GMEB2: variants seen among roughly 807,000 people sequenced by gnomAD.
The protein encoded by GMEB2 is glucocorticoid modulatory element-binding protein 2.
A neutral mutation model predicts 45.7 loss-of-function variants in GMEB2; 7 were observed. The ratio of observed to expected loss-of-function variants is 0.15; its 90% CI spans 0.09 to 0.29. The LOEUF is 0.29. Among genes scored for constraint, GMEB2 ranks in the 10% least tolerant of loss-of-function variants. The pLI is 1.00. For synonymous variants in GMEB2, 322 were observed against 323.6 expected (o/e 1.00, Z 0.05); for missense variants, 582 against 739.2 (o/e 0.79, Z 2.47).
At chr20:63,599,680 A>G (rs370534563) in intron 4 of GMEB2, among the ~76,000 whole-genome samples, 3 of 152,198 alleles carry the variant, frequency 2.0e-5, no homozygotes, top group East Asian at 1.9e-4. Flanking sequence ...GAATTTCATT[A>G]TGATGTCACC....
intron 2 of GMEB2, among the ~76,000 whole-genome samples, chr20:63,613,220 A>C (rs1328490258): frequency 6.6e-6 from 1 of 152,238 alleles, no homozygotes; most frequent in Non-Finnish European, 1.5e-5. Flanking sequence ...TTCTTCAAAG[A>C]GTTAACTCAA....
chr20:63,604,701 T>C (rs748731021), intron 3 of GMEB2, 42 bp downstream of exon 3: 1 of 1,054,578 alleles, frequency 9.5e-7, no homozygotes. Context: ...CTGTCCCTGC[T>C]GCGGCAAGAA....
At chr20:63,603,181 C>T in intron 3 of GMEB2, 89 bp from the exon 4 acceptor site, 1 of 1,454,828 alleles carries the variant, frequency 6.9e-7, no homozygotes, top group Non-Finnish European at 9.5e-7. Flanking sequence ...CAGAAAATAG[C>T]TACCAACATG....
rs1340778331 is a variant in GMEB2, at chr20:63,593,849, C to T, written c.620-767G>A. On this transcript the variant is annotated intron_variant, in intron 6 of 9. Transcript: ENST00000370077. This position sits in a 1 kb window ranked among gnomAD's most constrained non-coding sequence, Gnocchi z 4.7. ...ACAGCCTGGGCAACACGGCAAAACC[C>T]CGTCTCTACTAAAATACAAAGTCAA... Among the ~76,000 whole-genome samples, 1 of 152,166 alleles carries T rather than the reference C, an allele frequency of 6.6e-6. No homozygotes were observed. Among genetic ancestry groups the T allele is most frequent in the African/African-American group, 2.4e-5 (1 of 41,472 alleles).
At chr20:63,605,561 C>T (rs1306549579) in intron 2 of GMEB2, among the ~76,000 whole-genome samples, 1 of 149,448 alleles carries the variant, frequency 6.7e-6, no homozygotes, top group Admixed American at 6.7e-5. Context: ...GCAGAGGCTG[C>T]GCAGGTCTGA....
At chr20:63,623,244 G>T (rs1343876318) in intron 1 of GMEB2, among the ~76,000 whole-genome samples, 1 of 152,124 alleles carries the variant, frequency 6.6e-6, no homozygotes, top group Non-Finnish European at 1.5e-5. Flanking sequence ...TTTAAATGGT[G>T]GCCATCTAGG....
chr20:63,611,253 G>A (rs988980094), intron 2 of GMEB2, among the ~76,000 whole-genome samples: 7 of 152,262 alleles, frequency 4.6e-5, no homozygotes, highest in African/African-American at 1.7e-4. Context: ...TCTTGTGTGT[G>A]GAAGGGGCCA....
Position 63,587,980 on chromosome 20 carries a change from C to T in GMEB2, c.*2109G>A, listed in dbSNP as rs1040850016. ...GTTCCCATGAGGATGAGGGCTTCTC[C>T]AGGGCCCTTCCCCACGCTGGGGCTT... On this transcript the variant is annotated 3_prime_UTR_variant, in exon 10 of 10. Transcript: ENST00000370077. 6.6e-6 allele frequency: 1 copy of T among 152,402 alleles called. No individual in the cohort carries two copies. The highest frequency in any genetic ancestry group is 1.5e-5 in the Non-Finnish European group (1 of 68,064). 9.4% of individuals were successfully genotyped at this position (152,402 alleles called of 1,614,324 possible).
chr20:63,596,237 G>A (rs2083199792), intron 5 of GMEB2, among the ~76,000 whole-genome samples: 1 of 152,244 alleles, frequency 6.6e-6, no homozygotes. Context: ...GAGTGATGAG[G>A]GCGCAGGACA....
intron 4 of GMEB2, among the ~76,000 whole-genome samples, chr20:63,598,336 T>TCTGACACA (rs2083215144): frequency 1.0e-5 from 1 of 96,892 alleles, no homozygotes; most frequent in Admixed American, 1.2e-4. Context: ...GCACCTGCTC[T>TCTGACACA]CACTCTGACA....
At chr20:63,625,102 G>C (rs550894642) in intron 1 of GMEB2, among the ~76,000 whole-genome samples, 132 of 152,316 alleles carry the variant, frequency 8.7e-4, no homozygotes, top group Non-Finnish European at 1.5e-3. Context: ...TTTAGACACA[G>C]AAGAAGCACT....
In GMEB2 at chr20:63,619,264, TACC is replaced by T; in HGVS notation, c.131_131+2del. On this transcript the variant is annotated splice_donor_variant and coding_sequence_variant, in exon 2 of 10. Coordinates refer to ENST00000370077, the MANE Select transcript of GMEB2 (RefSeq NM_012384.5). LOFTEE classifies it high-confidence loss of function. The surrounding 1 kb of genome is among the most constrained non-coding windows in gnomAD (Gnocchi z 4.6). ...CCCCAATGGCACCGAGGCCCGAGCTTACCCGTGAGGGGCCAAGTTGGTCGTCAC... is the reference window on the plus strand; with the variant it reads ...CCCCAATGGCACCGAGGCCCGAGCTTCGTGAGGGGCCAAGTTGGTCGTCAC... 6.2e-7 allele frequency: 1 copy of T among 1,608,490 alleles called. No individual in the cohort carries two copies. Among genetic ancestry groups the T allele is most frequent in the Non-Finnish European group, 8.5e-7 (1 of 1,178,452 alleles).
chr20:63,595,591 A>G lies in GMEB2; in HGVS notation c.619+19T>C, dbSNP rs747269310. On this transcript the variant is annotated intron_variant, in intron 6 of 9. Coordinates refer to ENST00000370077, the MANE Select transcript of GMEB2 (RefSeq NM_012384.5). ...GCCAGGGTGGGGCTGGGTCAGGACG[A>G]GCAGCCCTGTGCACCTACCGTCGGC... 1 of 1,584,452 alleles carries G rather than the reference A, an allele frequency of 6.3e-7. No homozygotes were observed. The highest frequency in any genetic ancestry group is 8.6e-7 in the Non-Finnish European group (1 of 1,165,900).
At chr20:63,606,481 G>A (rs1323434898) in intron 2 of GMEB2, among the ~76,000 whole-genome samples, 1 of 151,854 alleles carries the variant, frequency 6.6e-6, no homozygotes, top group African/African-American at 2.4e-5. Context: ...CCGAGTAGCT[G>A]GGACTACAGG....
Position 63,619,413 on chromosome 20 carries a change from G to T in GMEB2, c.-16C>A, listed in dbSNP as rs768624706. 3 of 1,607,252 alleles carry T rather than the reference G, an allele frequency of 1.9e-6. No homozygotes were observed. Among genetic ancestry groups the T allele is most frequent in the Non-Finnish European group, 2.5e-6 (3 of 1,179,032 alleles). On this transcript the variant is annotated 5_prime_UTR_variant, in exon 2 of 10. Coordinates refer to ENST00000370077, the MANE Select transcript of GMEB2 (RefSeq NM_012384.5). This position sits in a 1 kb window ranked among gnomAD's most constrained non-coding sequence, Gnocchi z 4.6. ...GAGTCGCCATGGCTCAGCGGAAGGG[G>T]ACGCCCAGGCCAGCAGCGTCAGTCC...
Position 63,593,007 on chromosome 20 carries a change from G to C in GMEB2, c.691+4C>G, listed in dbSNP as rs148868426. The C allele has an allele frequency of 6.3e-7, 1 of 1,598,554 alleles. No individual in the cohort carries two copies. The highest frequency in any genetic ancestry group is 1.3e-5 in the African/African-American group (1 of 74,662). On this transcript the variant is annotated splice_donor_region_variant and intron_variant, in intron 7 of 9. Transcript: ENST00000370077. The surrounding 1 kb of genome is among the most constrained non-coding windows in gnomAD (Gnocchi z 4.7). ...TGAGAAGCCCACAAGGAGGAACCTC[G>C]TACCTCCAATGGCCGCGGTCCAGTC...
chr20:63,612,881 C>T (rs1038908247), intron 2 of GMEB2, among the ~76,000 whole-genome samples: 1 of 152,194 alleles, frequency 6.6e-6, no homozygotes, highest in Non-Finnish European at 1.5e-5. Flanking sequence ...AGCAGAACCA[C>T]GAACCAACCA....
rs537763055 is a variant in GMEB2, at chr20:63,593,639, G to C, written c.620-557C>G. On this transcript the variant is annotated intron_variant, in intron 6 of 9. Transcript: ENST00000370077. The surrounding 1 kb of genome is among the most constrained non-coding windows in gnomAD (Gnocchi z 4.7). The stretch of plus-strand genomic sequence containing the variant: ...GGCTCTTCCTGTGGGTCCCTCTCTC[G>C]CGCCTGCAGAACACAACTGGGCGTG... Among the ~76,000 whole-genome samples, 1 of 152,066 alleles carries C rather than the reference G, an allele frequency of 6.6e-6. No homozygotes were observed. The highest frequency in any genetic ancestry group is 2.1e-4 in the South Asian group (1 of 4,818).
intron 2 of GMEB2, among the ~76,000 whole-genome samples, chr20:63,606,750 C>A (rs1307522540): frequency 6.6e-6 from 1 of 152,244 alleles, no homozygotes; most frequent in Admixed American, 6.5e-5. Context: ...AGAGGTCCCA[C>A]CATTGCACTC....
Sources: allele counts gnomAD v4.1 joint callset (sites outside exome capture counted in the v4.1 genomes callset), GRCh38; gene constraint gnomAD v4.1.1; non-coding constraint Gnocchi (gnomAD v3.1); transcripts MANE v1.5; gene names NCBI Gene and HGNC (gene_info 2026-07-23, HGNC 2026-07-21).